Variants in ABCG8 observed in about 807,000 individuals in gnomAD.
The protein encoded by ABCG8 is ATP binding cassette subfamily G member 8.
In ABCG8, 81 loss-of-function variants were observed where a neutral mutation model predicts 71.3. The observed-to-expected ratio is 1.14, with a 90% CI of 0.95 to 1.37. ABCG8 has a LOEUF of 1.37. ABCG8 is among the 40% of genes most tolerant of loss of function. ABCG8 has a pLI of 0.00. For missense variants in ABCG8, 1,119 were observed against 866.2 expected (o/e 1.29, Z -3.66); for synonymous variants, 451 against 354.7 (o/e 1.27, Z -3.05).
chr2:43,841,615 T>C (rs1355755329), intron 1 of ABCG8, among the ~76,000 whole-genome samples: 4 of 152,174 alleles, frequency 2.6e-5, no homozygotes, highest in South Asian at 4.1e-4. Flanking sequence ...TCAATGGTGG[T>C]TGGAGTCAGG....
At chr2:43,852,162 GTCGAGGCCCC>G (rs1392026983) in intron 4 of ABCG8, among the ~76,000 whole-genome samples, 182 bp from the exon 5 acceptor site, 4 of 152,202 alleles carry the variant, frequency 2.6e-5, no homozygotes, top group African/African-American at 4.8e-5. Context: ...TGCCCAGCAC[GTCGAGGCCCC>G]TCGGGACCTG....
intron 8 of ABCG8, among the ~76,000 whole-genome samples, chr2:43,873,073 G>A (rs1208252789): frequency 2.0e-5 from 3 of 152,178 alleles, no homozygotes; most frequent in Middle Eastern, 3.4e-3. Context: ...GGTCTTCCTC[G>A]GCATTCCAGT....
intron 9 of ABCG8, 60 bp downstream of exon 9, chr2:43,874,046 T>C (rs1447991852): frequency 1.2e-5 from 19 of 1,558,612 alleles, no homozygotes; most frequent in Non-Finnish European, 1.7e-5. Flanking sequence ...GCTGTGTTCC[T>C]CTGAGCTCCT....
intron 6 of ABCG8, among the ~76,000 whole-genome samples, chr2:43,860,891 A>T (rs1233257452): frequency 6.7e-6 from 1 of 149,358 alleles, no homozygotes; most frequent in Admixed American, 6.6e-5. Context: ...TCTGCATAGA[A>T]CTCTCACTGT....
intron 4 of ABCG8, 25 bp from the exon 5 acceptor site, chr2:43,852,329 C>T (rs765292723): frequency 5.0e-6 from 8 of 1,611,968 alleles, no homozygotes; most frequent in Non-Finnish European, 6.8e-6. Flanking sequence ...CCTGAGGTGG[C>T]CTCAAAGCTC....
chr2:43,852,832 C>A lies in ABCG8; in HGVS notation c.928C>A (p.Pro310Thr). Residue 310 changes from proline to threonine, a missense_variant, in exon 6 of 13, where the codon CCC (proline) becomes ACC (threonine). Physicochemically the swap from Pro to Thr is conservative, Grantham distance 38. Coordinates refer to ENST00000272286, the MANE Select transcript of ABCG8 (RefSeq NM_022437.3). ...CCAGTATTTCACAGCCATCGGCTAC[C>A]CCTGTCCTCGCTACAGCAATCCTGC... ...MVQYFTAIGYPCPRYSNPADF... is the reference protein window; with the variant it reads ...MVQYFTAIGYTCPRYSNPADF... 1 of 1,614,126 alleles carries A rather than the reference C, an allele frequency of 6.2e-7. No individual in the cohort carries two copies. Among genetic ancestry groups the A allele is most frequent in the Non-Finnish European group, 8.5e-7 (1 of 1,180,018 alleles).
chr2:43,872,419 A>T, intron 8 of ABCG8, 113 bp downstream of exon 8: 1 of 1,290,104 alleles, frequency 7.8e-7, no homozygotes, highest in Non-Finnish European at 1.1e-6. Context: ...AGGTAGAGTC[A>T]TTTGAAAAAA....
At chr2:43,862,743 C>T (rs1386730353) in intron 6 of ABCG8, among the ~76,000 whole-genome samples, 2 of 150,770 alleles carry the variant, frequency 1.3e-5, no homozygotes, top group Non-Finnish European at 3.0e-5. Context: ...AGAACTCTCA[C>T]GATCTGGGTA....
intron 6 of ABCG8, among the ~76,000 whole-genome samples, chr2:43,862,307 TCTCA>T (rs1175863888): frequency 6.6e-6 from 1 of 151,338 alleles, no homozygotes; most frequent in Non-Finnish European, 1.5e-5. Flanking sequence ...TTGGTAGAAC[TCTCA>T]CTATCTATCT....
chr2:43,839,834 G>GTGA (rs1668510067), intron 1 of ABCG8, among the ~76,000 whole-genome samples: 1 of 152,202 alleles, frequency 6.6e-6, no homozygotes, highest in African/African-American at 2.4e-5. Context: ...CAGTAATGAA[G>GTGA]TGATGGGTGA....
At chr2:43,840,382 C>G (rs1461253906) in intron 1 of ABCG8, among the ~76,000 whole-genome samples, 1 of 152,210 alleles carries the variant, frequency 6.6e-6, no homozygotes, top group Non-Finnish European at 1.5e-5. Context: ...GGGAACACTT[C>G]CTGCCTGGGA....
chr2:43,853,328 G>GA (rs369052598), intron 6 of ABCG8, among the ~76,000 whole-genome samples: 32 of 152,320 alleles, frequency 2.1e-4, no homozygotes, highest in Non-Finnish European at 2.9e-4. Context: ...CTCTAGATGT[G>GA]AAAATTGCTC....
intron 6 of ABCG8, among the ~76,000 whole-genome samples, chr2:43,857,203 C>G (rs1431379931): frequency 6.6e-6 from 1 of 151,256 alleles, no homozygotes; most frequent in Non-Finnish European, 1.5e-5. Context: ...TTCTCACTCT[C>G]TGGATAAAAC....
intron 11 of ABCG8, among the ~76,000 whole-genome samples, chr2:43,876,951 A>C (rs1047888196): frequency 6.7e-6 from 1 of 150,152 alleles, no homozygotes; most frequent in Non-Finnish European, 1.5e-5. Flanking sequence ...AGACCGTGTC[A>C]ATATAAAGGA....
chr2:43,869,274 ACTAT>A (rs754325344), intron 6 of ABCG8, among the ~76,000 whole-genome samples: 16 of 151,774 alleles, frequency 1.1e-4, no homozygotes, highest in Non-Finnish European at 2.2e-4. Flanking sequence ...TGGAACTCTC[ACTAT>A]CTATCTGGAT....
intron 3 of ABCG8, chr2:43,847,749 T>A (rs1018972336): frequency 6.6e-6 from 1 of 151,840 alleles, no homozygotes; most frequent in Non-Finnish European, 1.5e-5. Flanking sequence ...TCTCCTGTTT[T>A]GTTTTTTTTG....
At position 43,882,238 on chromosome 2, in the gene ABCG8, C is replaced by G. The variant is rs184632639; in HGVS notation, c.*4325C>G. The G allele has an allele frequency of 1.8e-4, 27 of 152,272 alleles. No homozygotes were observed. Among genetic ancestry groups the G allele is most frequent in the African/African-American group, 6.0e-4 (25 of 41,538 alleles). 9.4% of individuals were successfully genotyped at this position (152,272 alleles called of 1,614,324 possible). ...TAAACCAGTCTACAGAGGTAGATCT[C>G]GCATTTGCTTTTGTTTTCTTCTACT... On this transcript the variant is annotated 3_prime_UTR_variant, in exon 13 of 13. Coordinates refer to ENST00000272286, the MANE Select transcript of ABCG8 (RefSeq NM_022437.3).
At chr2:43,866,711 G>T (rs1669543250) in intron 6 of ABCG8, among the ~76,000 whole-genome samples, 1 of 151,802 alleles carries the variant, frequency 6.6e-6, no homozygotes, top group South Asian at 2.1e-4. Context: ...TGCTGGAGAG[G>T]ATGTGGAGAA....
In ABCG8 at chr2:43,874,523, C is replaced by G. The variant is rs774594227; in HGVS notation, c.1488+40C>G. 85 of 1,491,788 alleles carry G rather than the reference C, an allele frequency of 5.7e-5. No homozygotes were observed. In the Admixed American group the frequency reaches 1.4e-3, roughly 24 times the overall value. 92.4% of individuals were successfully genotyped at this position (1,491,788 alleles called of 1,614,324 possible). ...TTGAGAGCAAGTGCCCCCCACCCAC[C>G]AGGGTGGGGGTAAGTGTGGAGAAAA... On this transcript the variant is annotated intron_variant, in intron 10 of 12. Coordinates refer to ENST00000272286, the MANE Select transcript of ABCG8 (RefSeq NM_022437.3).
Sources: gnomAD v4.1 joint callset for allele counts (sites outside exome capture counted in the v4.1 genomes callset) on GRCh38, gnomAD v4.1.1 for gene constraint, MANE v1.5 for transcripts, NCBI Gene and HGNC (gene_info 2026-07-23, HGNC 2026-07-21) for gene names.